The following SAMD12 variants were observed in gnomAD, a reference collection of about 807,000 sequenced individuals.
The protein encoded by SAMD12 is sterile alpha motif domain containing 12.
In SAMD12, 9 loss-of-function variants were observed where a neutral mutation model predicts 15.0. That is an observed-to-expected ratio of 0.60 (90% CI 0.36 to 1.05). The LOEUF is 1.05. Among genes scored for constraint, SAMD12 ranks in the 50% least tolerant of loss-of-function variants. The pLI is 0.01. For missense variants in SAMD12, 230 were observed against 234.2 expected, an observed-to-expected ratio of 0.98 and a Z score of 0.12; for synonymous variants, 86 against 90.1, an observed-to-expected ratio of 0.96 and a Z score of 0.25.
chr8:118,472,891 A>AG (rs1049777114), intron 2 of SAMD12, among the ~76,000 whole-genome samples: 2 of 150,920 alleles, frequency 1.3e-5, no homozygotes, highest in African/African-American at 4.9e-5. Context: ...GACAGGAAAA[A>AG]AAAAAAGGCT....
At chr8:118,567,828 G>A (rs1826893078) in intron 2 of SAMD12, among the ~76,000 whole-genome samples, 1 of 152,222 alleles carries the variant, frequency 6.6e-6, no homozygotes, top group Non-Finnish European at 1.5e-5. Context: ...TGTAGACATT[G>A]TAGGTGTGAT....
intron 1 of SAMD12, among the ~76,000 whole-genome samples, chr8:118,619,178 T>TGAC (rs1828324374): frequency 2.0e-5 from 3 of 152,070 alleles, no homozygotes; most frequent in Admixed American, 2.0e-4. Context: ...CACCCAGCAG[T>TGAC]AGAGGTAAAC....
intron 3 of SAMD12, among the ~76,000 whole-genome samples, chr8:118,435,691 A>G (rs559775779): frequency 1.3e-4 from 20 of 152,382 alleles, no homozygotes; most frequent in Admixed American, 2.0e-4. Flanking sequence ...AAATGTTCAT[A>G]TAGTAGAACT....
At chr8:118,405,761 TG>T (rs1821099282) in intron 3 of SAMD12, among the ~76,000 whole-genome samples, 1 of 152,112 alleles carries the variant, frequency 6.6e-6, no homozygotes, top group Non-Finnish European at 1.5e-5. Context: ...AATTTGAAAG[TG>T]TGAAAAAGTT....
Position 118,621,881 on chromosome 8 carries a change from T to C in SAMD12, c.-65A>G. The C allele has an allele frequency of 2.0e-6, 3 of 1,530,396 alleles. No homozygotes were observed. Among genetic ancestry groups the C allele is most frequent in the South Asian group, 2.2e-5 (2 of 89,412 alleles). 94.8% of individuals were successfully genotyped at this position (1,530,396 alleles called of 1,614,324 possible). ...CCGAGGTACTCCTCCTGCCCCGCGC[T>C]CCCCCCTTCCTCTCGCTTTCGCCTA... On this transcript the variant is annotated 5_prime_UTR_variant, in exon 1 of 4. Transcript: ENST00000314727.
chr8:118,297,406 T>G (rs1365675585), intron 4 of SAMD12, among the ~76,000 whole-genome samples: 1 of 152,112 alleles, frequency 6.6e-6, no homozygotes, highest in East Asian at 1.9e-4. Context: ...GTTACCCAAA[T>G]GTTTAAGGGA....
intron 4 of SAMD12, among the ~76,000 whole-genome samples, chr8:118,322,002 G>A (rs529826481): frequency 6.6e-6 from 1 of 152,232 alleles, no homozygotes; most frequent in Non-Finnish European, 1.5e-5. Context: ...CATTCAAATT[G>A]TCTTGCAATC....
At chr8:118,492,170 T>A (rs966441390) in intron 2 of SAMD12, among the ~76,000 whole-genome samples, 1 of 150,830 alleles carries the variant, frequency 6.6e-6, no homozygotes, top group Non-Finnish European at 1.5e-5. Flanking sequence ...TTGTATCAAG[T>A]AGTATTTCAT....
intron 4 of SAMD12, among the ~76,000 whole-genome samples, chr8:118,256,999 C>G (rs1812960898): frequency 1.3e-5 from 2 of 151,964 alleles, no homozygotes; most frequent in Admixed American, 1.3e-4. Context: ...TACTTGAGCC[C>G]AAGTCATCTT....
At chr8:118,592,713 C>T (rs1382823099) in intron 1 of SAMD12, among the ~76,000 whole-genome samples, 5 of 152,098 alleles carry the variant, frequency 3.3e-5, no homozygotes, top group African/African-American at 9.7e-5. Flanking sequence ...ATATCTAGAT[C>T]ATTTGTACAT....
chr8:118,429,168 T>C (rs1450202335), intron 3 of SAMD12, among the ~76,000 whole-genome samples: 2 of 152,228 alleles, frequency 1.3e-5, no homozygotes, highest in Non-Finnish European at 2.9e-5. Context: ...AGCTATTACA[T>C]AGTAATCTTG....
intron 4 of SAMD12, among the ~76,000 whole-genome samples, chr8:118,209,904 C>G (rs1819970773): frequency 6.6e-6 from 1 of 152,164 alleles, no homozygotes; most frequent in Admixed American, 6.5e-5. Context: ...CCCAGAGAGC[C>G]AAGACCCCCC....
chr8:118,518,211 A>C (rs1825296494), intron 2 of SAMD12, among the ~76,000 whole-genome samples: 1 of 152,206 alleles, frequency 6.6e-6, no homozygotes, highest in South Asian at 2.1e-4. Context: ...ACTTGACTGC[A>C]ACAAAATACA....
chr8:118,535,025 A>G (rs1277413992), intron 2 of SAMD12, among the ~76,000 whole-genome samples: 1 of 148,290 alleles, frequency 6.7e-6, no homozygotes, highest in Non-Finnish European at 1.5e-5. Flanking sequence ...GAGAACAGAC[A>G]CTCTGATTTT....
Position 118,527,533 on chromosome 8 carries a change from CTATT to C in SAMD12, c.192+53178_192+53181del, listed in dbSNP as rs377409931. On this transcript the variant is annotated intron_variant, in intron 2 of 3. Coordinates refer to ENST00000314727, the MANE Select transcript of SAMD12 (RefSeq NM_207506.3). ...GATGATAAAATTGTATTTTTTCCTA[CTATT>C]TAAACAAACTATACTTTCTTTCTTT... is the stretch of plus-strand genomic sequence containing the variant. Among the ~76,000 whole-genome samples, 600 of 152,224 alleles carry C rather than the reference CTATT, an allele frequency of 3.9e-3. 2 individuals are homozygous for C. The highest frequency in any genetic ancestry group is 0.013 in the African/African-American group (526 of 41,536).
chr8:118,415,297 T>C (rs75663419), intron 3 of SAMD12, among the ~76,000 whole-genome samples: 2,582 of 152,316 alleles, frequency 0.017, 42 homozygotes, highest in South Asian at 0.059. Context: ...TCCAAGATCT[T>C]TTCTTATTCA....
chr8:118,512,718 A>G (rs1825121354), intron 2 of SAMD12, among the ~76,000 whole-genome samples: 1 of 152,144 alleles, frequency 6.6e-6, no homozygotes, highest in South Asian at 2.1e-4. Flanking sequence ...TACTAGCCAC[A>G]CTCAAACATA....
At chr8:118,466,931 T>C (rs1487626988) in intron 2 of SAMD12, among the ~76,000 whole-genome samples, 2 of 152,228 alleles carry the variant, frequency 1.3e-5, no homozygotes, top group East Asian at 3.8e-4. Context: ...AGAAAGCCTC[T>C]GACTCCACTT....
chr8:118,619,088 C>T (rs1828321786), intron 1 of SAMD12, among the ~76,000 whole-genome samples: 1 of 152,154 alleles, frequency 6.6e-6, no homozygotes. Flanking sequence ...CATTTATTAT[C>T]TGTGGCCATG....
Sources: allele counts gnomAD v4.1 joint callset (sites outside exome capture counted in the v4.1 genomes callset), GRCh38; gene constraint gnomAD v4.1.1; transcripts MANE v1.5; gene names NCBI Gene and HGNC (gene_info 2026-07-23, HGNC 2026-07-21).